Variants in UBE2E2 observed in about 807,000 individuals in gnomAD.
UBE2E2 encodes the protein ubiquitin conjugating enzyme E2 E2, also known as ubiquitin-conjugating enzyme E2 E2.
In UBE2E2, 6 loss-of-function variants were observed where a neutral mutation model predicts 24.7. The ratio of observed to expected loss-of-function variants is 0.24; its 90% CI spans 0.13 to 0.48. The LOEUF (loss-of-function observed/expected upper bound fraction) is 0.48, where lower values mean the gene tolerates loss of function less well. UBE2E2 is among the 20% of genes least tolerant of loss of function. The probability of loss-of-function intolerance (pLI) is 0.99; values close to 1 mark genes in which losing one functional copy is unlikely to be tolerated. For synonymous variants in UBE2E2, 104 were observed against 83.6 expected (o/e 1.24, Z -1.33); for missense variants, 169 against 245.0 (o/e 0.69, Z 2.07).
At chr3:23,316,779 C>T (rs1458482414) in intron 3 of UBE2E2, among the ~76,000 whole-genome samples, 2 of 152,064 alleles carry the variant, frequency 1.3e-5, no homozygotes, top group South Asian at 4.1e-4. Context: ...GCTACTGCTG[C>T]TGATCATTTA....
chr3:23,324,105 AC>A (rs1284674626), intron 3 of UBE2E2, among the ~76,000 whole-genome samples: 1 of 152,090 alleles, frequency 6.6e-6, no homozygotes, highest in Non-Finnish European at 1.5e-5. Flanking sequence ...TTGACTACTT[AC>A]TATATGATGT....
chr3:23,431,259 A>G (rs1047809391), intron 3 of UBE2E2, among the ~76,000 whole-genome samples: 9 of 152,186 alleles, frequency 5.9e-5, no homozygotes, highest in South Asian at 2.1e-4. Flanking sequence ...AAGATGGTAC[A>G]CTGAAGAAAG....
At chr3:23,311,147 G>A (rs1218042663) in intron 3 of UBE2E2, among the ~76,000 whole-genome samples, 4 of 152,104 alleles carry the variant, frequency 2.6e-5, no homozygotes, top group Non-Finnish European at 5.9e-5. Flanking sequence ...TGAGAATGAT[G>A]GTTTCCAGCT....
intron 3 of UBE2E2, among the ~76,000 whole-genome samples, chr3:23,301,338 C>T (rs1404394030): frequency 6.6e-6 from 1 of 152,160 alleles, no homozygotes; most frequent in Non-Finnish European, 1.5e-5. Context: ...GAGCTGCGTT[C>T]CTTTGGAGGA....
chr3:23,237,608 ACT>A (rs1317950840), intron 3 of UBE2E2, among the ~76,000 whole-genome samples: 3 of 152,046 alleles, frequency 2.0e-5, no homozygotes, highest in Non-Finnish European at 4.4e-5. Context: ...TGTATACAAC[ACT>A]CATTAATTGG....
At chr3:23,445,961 T>G (rs1433645164) in intron 3 of UBE2E2, among the ~76,000 whole-genome samples, 1 of 152,128 alleles carries the variant, frequency 6.6e-6, no homozygotes, top group Non-Finnish European at 1.5e-5. Context: ...CACAGCATTT[T>G]TATCCGTCAA....
chr3:23,454,523 T>A (rs1329723275), intron 3 of UBE2E2, among the ~76,000 whole-genome samples: 2 of 152,164 alleles, frequency 1.3e-5, no homozygotes, highest in Non-Finnish European at 2.9e-5. Context: ...AAGACAAAAA[T>A]TATGGAATAA....
chr3:23,513,629 G>C (rs1399458766), intron 4 of UBE2E2, among the ~76,000 whole-genome samples: 1 of 152,062 alleles, frequency 6.6e-6, no homozygotes. Flanking sequence ...AATAGATTCT[G>C]CCCAGATTGC....
chr3:23,298,876 T>C (rs1358073832), intron 3 of UBE2E2, among the ~76,000 whole-genome samples: 2 of 152,200 alleles, frequency 1.3e-5, no homozygotes, highest in Non-Finnish European at 2.9e-5. Context: ...CTAGCTCGTC[T>C]TTGTACCTCT....
At chr3:23,290,110 G>T (rs935572061) in intron 3 of UBE2E2, among the ~76,000 whole-genome samples, 3 of 152,180 alleles carry the variant, frequency 2.0e-5, no homozygotes, top group Admixed American at 2.0e-4. Flanking sequence ...TGACTTTTTA[G>T]AATATGTATG....
intron 3 of UBE2E2, among the ~76,000 whole-genome samples, chr3:23,383,783 C>CT (rs1338343429): frequency 9.2e-5 from 14 of 151,504 alleles, no homozygotes; most frequent in South Asian, 2.1e-4. Context: ...ATACTTAATG[C>CT]TGTAGAACTT....
chr3:23,383,929 A>T (rs575806550), intron 3 of UBE2E2, among the ~76,000 whole-genome samples: 1 of 149,984 alleles, frequency 6.7e-6, no homozygotes, highest in African/African-American at 2.4e-5. Context: ...TTCATGCCAT[A>T]TAAAACTATT....
chr3:23,390,771 C>T (rs1036745339), intron 3 of UBE2E2, among the ~76,000 whole-genome samples: 6 of 152,186 alleles, frequency 3.9e-5, no homozygotes, highest in Admixed American at 6.5e-5. Flanking sequence ...GCCAGGTAAG[C>T]GAGCCATACC....
intron 3 of UBE2E2, among the ~76,000 whole-genome samples, chr3:23,221,381 A>G (rs1177266399): frequency 6.6e-6 from 1 of 152,154 alleles, no homozygotes; most frequent in South Asian, 2.1e-4. Flanking sequence ...TAATCATCAC[A>G]GTCTGTTTTG....
chr3:23,269,939 CA>C (rs1455872481), intron 3 of UBE2E2, among the ~76,000 whole-genome samples: 1 of 152,160 alleles, frequency 6.6e-6, no homozygotes, highest in Non-Finnish European at 1.5e-5. Context: ...AAATAGGGAT[CA>C]AAACAATACC....
intron 5 of UBE2E2, among the ~76,000 whole-genome samples, chr3:23,539,784 A>G (rs1445323460): frequency 6.6e-6 from 1 of 152,204 alleles, no homozygotes; most frequent in Non-Finnish European, 1.5e-5. Flanking sequence ...CTAGTTCAGT[A>G]TAATTGAGAA....
At chr3:23,239,373 A>T (rs1697199213) in intron 3 of UBE2E2, among the ~76,000 whole-genome samples, 1 of 152,116 alleles carries the variant, frequency 6.6e-6, no homozygotes, top group Non-Finnish European at 1.5e-5. Flanking sequence ...TGTCACTGTC[A>T]TTACTTCCAA....
chr3:23,276,465 T>G (rs1323469309), intron 3 of UBE2E2, among the ~76,000 whole-genome samples: 2 of 152,186 alleles, frequency 1.3e-5, no homozygotes, highest in Non-Finnish European at 2.9e-5. Flanking sequence ...TTACCTTCTT[T>G]GAATCCTTCC....
At chr3:23,449,149 C>T (rs1397626977) in intron 3 of UBE2E2, among the ~76,000 whole-genome samples, 2 of 152,168 alleles carry the variant, frequency 1.3e-5, no homozygotes, top group South Asian at 2.1e-4. Flanking sequence ...AGTAGGAATA[C>T]ACCTATCACT....
Sources: allele counts gnomAD v4.1 joint callset (sites outside exome capture counted in the v4.1 genomes callset), GRCh38; gene constraint gnomAD v4.1.1; transcripts MANE v1.5; gene names NCBI Gene and HGNC (gene_info 2026-07-23, HGNC 2026-07-21).